Variants in ADAMTS9 observed in about 807,000 individuals in gnomAD.
The protein encoded by ADAMTS9 is ADAM metallopeptidase with thrombospondin type 1 motif 9.
ADAMTS9 carries 107 observed loss-of-function variants against 257.1 expected under a neutral mutation model. The observed-to-expected ratio is 0.42, with a 90% CI of 0.36 to 0.49. The LOEUF is 0.49. Ranked by LOEUF, ADAMTS9 falls within the 20% of genes least tolerant of loss-of-function variation. The pLI is 0.03. For missense variants in ADAMTS9, 2,353 were observed against 2,469.1 expected (o/e 0.95, Z 1.00); for synonymous variants, 982 against 880.9 (o/e 1.11, Z -2.03).
intron 3 of ADAMTS9, 25 bp from the exon 4 acceptor site, chr3:64,658,816 T>C (rs775216958): frequency 6.3e-7 from 1 of 1,588,180 alleles, no homozygotes. Context: ...ATGGTATGCA[T>C]TACATTTCAA....
chr3:64,560,952 C>A (rs2083410715), intron 30 of ADAMTS9, among the ~76,000 whole-genome samples: 1 of 152,156 alleles, frequency 6.6e-6, no homozygotes. Context: ...CCAAACTTTT[C>A]CCCATGGACA....
chr3:64,558,219 T>C (rs772128952), intron 30 of ADAMTS9, among the ~76,000 whole-genome samples: 5 of 152,188 alleles, frequency 3.3e-5, no homozygotes, highest in Non-Finnish European at 5.9e-5. Flanking sequence ...AGAGTGTAGG[T>C]GCCAGCGTGC....
At chr3:64,604,412 T>C (rs2084522800) in intron 23 of ADAMTS9, 81 bp from the exon 24 acceptor site, 4 of 1,037,084 alleles carry the variant, frequency 3.9e-6, no homozygotes, top group Non-Finnish European at 5.6e-6. Flanking sequence ...TGGATAAAAA[T>C]GTAAAGGCTA....
chr3:64,588,441 AC>A (rs2084200929), intron 28 of ADAMTS9: 1 of 151,954 alleles, frequency 6.6e-6, no homozygotes, highest in Non-Finnish European at 1.5e-5. Flanking sequence ...TAAAGAAACA[AC>A]CCAGAGTTTT....
chr3:64,586,557 C>G (rs1007150723), intron 28 of ADAMTS9, among the ~76,000 whole-genome samples: 4 of 152,046 alleles, frequency 2.6e-5, no homozygotes, highest in Non-Finnish European at 5.9e-5. Flanking sequence ...GGATGTTGCC[C>G]TAAACGGGGG....
At chr3:64,660,786 G>A (rs1377710135) in intron 3 of ADAMTS9, among the ~76,000 whole-genome samples, 3 of 151,924 alleles carry the variant, frequency 2.0e-5, no homozygotes, top group Non-Finnish European at 2.9e-5. Flanking sequence ...TCCTTTAAGC[G>A]AAAAGGTGAA....
chr3:64,546,030 C>T (rs1362614157), intron 32 of ADAMTS9, among the ~76,000 whole-genome samples: 1 of 152,196 alleles, frequency 6.6e-6, no homozygotes, highest in Non-Finnish European at 1.5e-5. Context: ...TACATAGAAG[C>T]ACTAGAACAT....
At chr3:64,625,152 G>C (rs376250840) in intron 16 of ADAMTS9, among the ~76,000 whole-genome samples, 1 of 152,106 alleles carries the variant, frequency 6.6e-6, no homozygotes, top group African/African-American at 2.4e-5. Context: ...TTTCATCCCC[G>C]GTGCCAATGT....
intron 20 of ADAMTS9, 87 bp from the exon 21 acceptor site, chr3:64,615,572 TC>T (rs2084747198): frequency 1.5e-6 from 2 of 1,371,010 alleles, no homozygotes; most frequent in Non-Finnish European, 2.0e-6. Context: ...CTCTTCCAGC[TC>T]TTAAGAAACA....
At chr3:64,654,928 A>G (rs1701024283) in intron 6 of ADAMTS9, among the ~76,000 whole-genome samples, 1 of 152,196 alleles carries the variant, frequency 6.6e-6, no homozygotes, top group Non-Finnish European at 1.5e-5. Flanking sequence ...CTTTGAGAAC[A>G]TTCCTGAGAA....
chr3:64,672,302 C>T (rs1018429519), intron 3 of ADAMTS9, among the ~76,000 whole-genome samples: 4 of 152,172 alleles, frequency 2.6e-5, no homozygotes, highest in Non-Finnish European at 5.9e-5. Context: ...ATATGATTAG[C>T]AAGAAACAGG....
At chr3:64,576,823 C>T (rs1258895371) in intron 28 of ADAMTS9, among the ~76,000 whole-genome samples, 1 of 152,122 alleles carries the variant, frequency 6.6e-6, no homozygotes, top group Non-Finnish European at 1.5e-5. Flanking sequence ...GGAGCACAGT[C>T]GAAGGCTGCT....
At chr3:64,530,092 G>T (rs1009616949) in intron 38 of ADAMTS9, among the ~76,000 whole-genome samples, 1 of 145,816 alleles carries the variant, frequency 6.9e-6, no homozygotes. Flanking sequence ...CCCAAGTGCT[G>T]GGATTATGGG....
intron 22 of ADAMTS9, among the ~76,000 whole-genome samples, chr3:64,608,149 G>A (rs1351370335): frequency 7.0e-6 from 1 of 143,444 alleles, no homozygotes; most frequent in Non-Finnish European, 1.5e-5. Context: ...GAAATCTATA[G>A]TTGCAAACAC....
At chr3:64,556,600 C>T (rs938170459) in intron 30 of ADAMTS9, among the ~76,000 whole-genome samples, 6 of 152,142 alleles carry the variant, frequency 3.9e-5, no homozygotes, top group South Asian at 2.1e-4. Context: ...GGATTATAGG[C>T]GTGAGCCACT....
At chr3:64,576,677 G>A (rs1480681040) in intron 28 of ADAMTS9, among the ~76,000 whole-genome samples, 2 of 152,166 alleles carry the variant, frequency 1.3e-5, no homozygotes, top group African/African-American at 4.8e-5. Context: ...GGAAGAAAGC[G>A]GATGTGGGAG....
At chr3:64,641,416 C>A (rs929207299) in intron 12 of ADAMTS9, among the ~76,000 whole-genome samples, 2 of 150,810 alleles carry the variant, frequency 1.3e-5, no homozygotes, top group Non-Finnish European at 3.0e-5. Flanking sequence ...GTGTGCTGCA[C>A]CCATTAACTC....
chr3:64,582,732 A>G (rs1165784133), intron 28 of ADAMTS9: 1 of 152,234 alleles, frequency 6.6e-6, no homozygotes, highest in East Asian at 1.9e-4. Flanking sequence ...ACAAAAAATT[A>G]TCTGGCCCCA....
Position 64,541,566 on chromosome 3 carries a change from T to C in ADAMTS9, c.5252A>G (p.Asp1751Gly), listed in dbSNP as rs2083122356. 6.2e-7 allele frequency: 1 copy of C among 1,614,078 alleles called. No individual in the cohort carries two copies. Among genetic ancestry groups the C allele is most frequent in the Admixed American group, 1.7e-5 (1 of 60,002 alleles). The change falls in exon 34 of 40, where the codon GAT becomes GGT. Residue 1751 changes from aspartate to glycine, a missense_variant. By Grantham distance (94) the Asp-to-Gly change is moderately conservative (BLOSUM62 -1). Coordinates refer to ENST00000498707, the MANE Select transcript of ADAMTS9 (RefSeq NM_182920.2). ...TCTAATCATCAGGAAATATTCACCATCTTCACTGGCACCTTTAAGTCTTTT... is the reference window on the plus strand; with the variant it reads ...TCTAATCATCAGGAAATATTCACCACCTTCACTGGCACCTTTAAGTCTTTT... The part of the protein sequence containing the change: ...EVKRLKGASE[D>G]GEYFLMIRGK...
Sources: allele counts gnomAD v4.1 joint callset (sites outside exome capture counted in the v4.1 genomes callset), GRCh38; gene constraint gnomAD v4.1.1; transcripts MANE v1.5; gene names NCBI Gene and HGNC (gene_info 2026-07-23, HGNC 2026-07-21).